ARMC9: variants seen among roughly 807,000 people sequenced by gnomAD.
ARMC9 encodes the protein lisH domain-containing protein ARMC9.
Under a neutral mutation model 107.0 loss-of-function variants are expected in ARMC9, and 94 were observed. The ratio of observed to expected loss-of-function variants is 0.88; its 90% CI spans 0.74 to 1.04. The LOEUF is 1.04. ARMC9 is among the 50% of genes least tolerant of loss of function. ARMC9 has a pLI of 0.00. For synonymous variants in ARMC9, 380 were observed against 396.9 expected (o/e 0.96, Z 0.51); for missense variants, 942 against 1,030.1 (o/e 0.91, Z 1.17).
intron 19 of ARMC9, among the ~76,000 whole-genome samples, chr2:231,299,358 G>A (rs1461586857): frequency 2.6e-5 from 4 of 152,192 alleles, no homozygotes; most frequent in Non-Finnish European, 1.5e-5. Flanking sequence ...GGAAAGGTGT[G>A]GACATGTACG....
intron 5 of ARMC9, among the ~76,000 whole-genome samples, chr2:231,221,234 T>G (rs551695779): frequency 6.6e-6 from 1 of 152,364 alleles, no homozygotes; most frequent in South Asian, 2.1e-4. Context: ...TTCCAGTCTC[T>G]GTCTCCATTG....
chr2:231,355,685 A>G lies in ARMC9; in HGVS notation c.1995-113A>G, dbSNP rs2045311856. ...GGTCTGATATGCTAATGATGGTTTAACAAGACTTTGAGGCACCGCCCCCTC... is the reference window on the plus strand; with the variant it reads ...GGTCTGATATGCTAATGATGGTTTAGCAAGACTTTGAGGCACCGCCCCCTC... On this transcript the variant is annotated intron_variant, in intron 21 of 24. Transcript: ENST00000611582. 4 of 1,296,264 alleles carry G rather than the reference A, an allele frequency of 3.1e-6. No homozygotes were observed. In the East Asian group the frequency reaches 7.7e-5, roughly 25 times the overall value. 80.3% of individuals were successfully genotyped at this position (1,296,264 alleles called of 1,614,324 possible). A position where few individuals can be genotyped will look rare whatever the true frequency, so the allele number is the denominator to read the frequency against.
intron 6 of ARMC9, among the ~76,000 whole-genome samples, chr2:231,224,703 T>C (rs1442288997): frequency 6.6e-6 from 1 of 152,224 alleles, no homozygotes; most frequent in Non-Finnish European, 1.5e-5. Flanking sequence ...ATGAAAATAC[T>C]TGTAGTTCAG....
chr2:231,331,909 A>G lies in ARMC9; in HGVS notation c.1878+12A>G, dbSNP rs749780320. ...CGGAGTACCTGGGGGTAAGTGCCAC[A>G]CAAAGGGTGGGGATCCTGAAACAGA... On this transcript the variant is annotated intron_variant, in intron 20 of 24. Transcript: ENST00000611582. The G allele has an allele frequency of 2.3e-5, 36 of 1,599,912 alleles. No individual in the cohort carries two copies. Among genetic ancestry groups the G allele is most frequent in the Non-Finnish European group, 2.9e-5 (34 of 1,168,050 alleles).
Position 231,360,828 on chromosome 2 carries a change from A to C in ARMC9, c.2206A>C (p.Thr736Pro), listed in dbSNP as rs76251009. Residue 736 changes from threonine (T) to proline (P), a missense_variant, in exon 23 of 25, where the codon ACC becomes CCC. By Grantham distance (38) the Thr-to-Pro change is conservative. Coordinates refer to ENST00000611582, the MANE Select transcript of ARMC9 (RefSeq NM_001352754.2). This position sits in a 1 kb window ranked among gnomAD's most constrained non-coding sequence, Gnocchi z 4.7. The stretch of plus-strand genomic sequence containing the variant: ...AGAGCCTCGCCCAGCCCCCACGGGG[A>C]CCCCCCGCCAGCCAAGGGAGGCGCC... ...QEEPRPAPTG[T>P]PRQPREAPQD... The C allele has an allele frequency of 6.5e-7, 1 of 1,535,686 alleles. No homozygotes were observed. The highest frequency in any genetic ancestry group is 8.7e-7 in the Non-Finnish European group (1 of 1,146,772).
In ARMC9 at chr2:231,233,093, C is replaced by T. The variant is rs138441892; in HGVS notation, c.623-2131C>T. Among the ~76,000 whole-genome samples the T allele has an allele frequency of 2.4e-3, 371 of 152,304 alleles. 4 individuals carry two copies. Among genetic ancestry groups the T allele is most frequent in the African/African-American group, 8.4e-3 (349 of 41,562 alleles). On this transcript the variant is annotated intron_variant, in intron 7 of 24. Coordinates refer to ENST00000611582, the MANE Select transcript of ARMC9 (RefSeq NM_001352754.2). ...CTCGAACTCCTGGTCTCAGGTGATC[C>T]ACCCGCCTTAGCCTCCCAAAGTGCT...
rs1444592813 is a variant in ARMC9, at chr2:231,270,986, G to A, written c.1124G>A (p.Ser375Asn). 3.1e-6 allele frequency: 5 copies of A among 1,613,950 alleles called. No individual in the cohort carries two copies. Residue 375 changes from serine to asparagine, a missense_variant, in exon 13 of 25, where the codon AGT becomes AAT. By Grantham distance (46) the Ser-to-Asn change is conservative (BLOSUM62 1). Transcript: ENST00000611582. ...LLDCYSHNQR[S>N]VLQLLHSTSD... Reference sequence around the variant, plus strand: ...CCTCTTGACGTTTTCCCCCAGAGGAGTGTGCTTCAGTTGCTGCACTCCACG... The same window carrying A: ...CCTCTTGACGTTTTCCCCCAGAGGAATGTGCTTCAGTTGCTGCACTCCACG...
intron 9 of ARMC9, among the ~76,000 whole-genome samples, chr2:231,245,099 A>C (rs924381392): frequency 1.3e-5 from 2 of 152,138 alleles, no homozygotes; most frequent in Admixed American, 1.3e-4. Context: ...GTTTATAAGG[A>C]CGGTATTCAT....
intron 21 of ARMC9, among the ~76,000 whole-genome samples, chr2:231,349,960 G>C (rs1226278687): frequency 6.6e-6 from 1 of 151,616 alleles, no homozygotes; most frequent in African/African-American, 2.4e-5. Context: ...CTTACACATT[G>C]CATGCCTGTA....
intron 19 of ARMC9, 147 bp from the exon 20 acceptor site, chr2:231,331,646 C>G (rs2043744101): frequency 3.1e-6 from 2 of 655,002 alleles, no homozygotes; most frequent in Non-Finnish European, 2.6e-6. Context: ...GCAGACTGCC[C>G]CTGAGCCCCC....
At chr2:231,239,844 A>C in intron 8 of ARMC9, 99 bp from the exon 9 acceptor site, 1 of 948,102 alleles carries the variant, frequency 1.1e-6, no homozygotes. Flanking sequence ...TGCCTTACAG[A>C]AAGCTGTTGA....
intron 14 of ARMC9, among the ~76,000 whole-genome samples, chr2:231,275,040 T>G (rs2125440641): frequency 6.6e-6 from 1 of 152,356 alleles, no homozygotes; most frequent in East Asian, 1.9e-4. Flanking sequence ...AAAAAAATAC[T>G]TCCTCCTGGT....
At chr2:231,326,636 G>C (rs2043338008) in intron 19 of ARMC9, among the ~76,000 whole-genome samples, 1 of 152,144 alleles carries the variant, frequency 6.6e-6, no homozygotes, top group South Asian at 2.1e-4. Flanking sequence ...AGGCGGGGTA[G>C]CTTCCCCCAG....
At chr2:231,215,828 T>C (rs1262161967) in intron 4 of ARMC9, among the ~76,000 whole-genome samples, 1 of 152,192 alleles carries the variant, frequency 6.6e-6, no homozygotes, top group Non-Finnish European at 1.5e-5. Context: ...GTTGGAAGGC[T>C]CTTCCTCAGG....
At chr2:231,306,375 T>C (rs1470146613) in intron 19 of ARMC9, among the ~76,000 whole-genome samples, 1 of 152,222 alleles carries the variant, frequency 6.6e-6, no homozygotes, top group Non-Finnish European at 1.5e-5. Flanking sequence ...TGCCACCTTT[T>C]TTTAATATCC....
chr2:231,243,492 CA>C (rs968778491), intron 9 of ARMC9, among the ~76,000 whole-genome samples: 1 of 152,140 alleles, frequency 6.6e-6, no homozygotes, highest in Non-Finnish European at 1.5e-5. Flanking sequence ...GGTTATCCCA[CA>C]AGAAGTTATC....
In ARMC9 at chr2:231,253,243, A is replaced by G. The variant is rs540836496; in HGVS notation, c.880-3343A>G. The stretch of plus-strand genomic sequence containing the variant: ...ATTCTCCTGCCTCAGCCTCCTGAGT[A>G]GCTGGGACTACAGGTTTGTGCCACC... On this transcript the variant is annotated intron_variant, in intron 9 of 24. Transcript: ENST00000611582. Among the ~76,000 whole-genome samples, 401 of 152,152 alleles carry G rather than the reference A, an allele frequency of 2.6e-3. 2 individuals are homozygous for G. Among genetic ancestry groups the G allele is most frequent in the Non-Finnish European group, 4.2e-3 (288 of 68,006 alleles).
chr2:231,260,322 G>A (rs1199870017), intron 11 of ARMC9, among the ~76,000 whole-genome samples: 8 of 152,140 alleles, frequency 5.3e-5, no homozygotes, highest in African/African-American at 1.9e-4. Flanking sequence ...CTGCTAAAGG[G>A]TTTGGGGGAC....
In ARMC9 at chr2:231,358,332, A is replaced by G. The variant is rs1266040957; in HGVS notation, c.2131+2398A>G. ...TTCCTCCAGACAGTCCTGCTTCTCC[A>G]TCCCTCCCCTCCACTTCAATTGATT... is the stretch of plus-strand genomic sequence containing the variant. On this transcript the variant is annotated intron_variant, in intron 22 of 24. Coordinates refer to ENST00000611582, the MANE Select transcript of ARMC9 (RefSeq NM_001352754.2). This position sits in a 1 kb window ranked among gnomAD's most constrained non-coding sequence, Gnocchi z 4.5. Among the ~76,000 whole-genome samples, 1 of 149,638 alleles carries G rather than the reference A, an allele frequency of 6.7e-6. No homozygotes were observed. Among genetic ancestry groups the G allele is most frequent in the Non-Finnish European group, 1.5e-5 (1 of 67,984 alleles).
Sources: allele counts gnomAD v4.1 joint callset (sites outside exome capture counted in the v4.1 genomes callset), GRCh38; gene constraint gnomAD v4.1.1; non-coding constraint Gnocchi (gnomAD v3.1); transcripts MANE v1.5; gene names NCBI Gene and HGNC (gene_info 2026-07-23, HGNC 2026-07-21).